The following SASH1 variants were observed in gnomAD, a reference collection of about 807,000 sequenced individuals.
The protein encoded by SASH1 is SAM and SH3 domain-containing protein 1.
SASH1 carries 44 observed loss-of-function variants against 125.2 expected under a neutral mutation model. The observed-to-expected ratio is 0.35, with a 90% CI of 0.28 to 0.45. The LOEUF (loss-of-function observed/expected upper bound fraction) is 0.45. Ranked by LOEUF, SASH1 falls within the 20% of genes least tolerant of loss-of-function variation. SASH1 has a pLI of 1.00. For synonymous variants in SASH1, 639 were observed against 649.1 expected, an observed-to-expected ratio of 0.98 and a Z score of 0.24; for missense variants, 1,426 against 1,614.5, an observed-to-expected ratio of 0.88 and a Z score of 2.00.
intron 8 of SASH1, among the ~76,000 whole-genome samples, chr6:148,489,643 A>G (rs1228490423): frequency 2.0e-5 from 3 of 152,136 alleles, no homozygotes; most frequent in African/African-American, 7.2e-5. Context: ...AATTTCTTTC[A>G]GCAGTGTTTT....
upstream of SASH1, among the ~76,000 whole-genome samples, chr6:148,338,614 T>C (rs990432927): frequency 6.6e-6 from 1 of 152,160 alleles, no homozygotes; most frequent in African/African-American, 2.4e-5. Flanking sequence ...AATTCTAATA[T>C]AAAACGTTCT....
the SASH1 span, among the ~76,000 whole-genome samples, chr6:148,245,457 A>T: frequency 6.6e-6 from 1 of 152,202 alleles, no homozygotes; most frequent in South Asian, 2.1e-4. Context: ...TCAATCTAAC[A>T]CAAGTGATTA....
At chr6:148,385,906 C>T (rs1783347365) in intron 1 of SASH1, among the ~76,000 whole-genome samples, 1 of 152,150 alleles carries the variant, frequency 6.6e-6, no homozygotes, top group Non-Finnish European at 1.5e-5. Flanking sequence ...AGTGTTTCCC[C>T]AAGTTTTCCG....
chr6:148,404,123 T>C (rs1212876189), intron 2 of SASH1, among the ~76,000 whole-genome samples: 1 of 152,192 alleles, frequency 6.6e-6, no homozygotes, highest in African/African-American at 2.4e-5. Flanking sequence ...CCTAGACTCA[T>C]AAAGTGAGGC....
intron 1 of SASH1, among the ~76,000 whole-genome samples, chr6:148,277,114 A>T (rs991907293): frequency 1.3e-5 from 2 of 152,164 alleles, no homozygotes; most frequent in Admixed American, 6.5e-5. Flanking sequence ...CATAACTAGG[A>T]TATATGGGAG....
chr6:148,326,349 T>TATATATATATATATATATATA (rs1554235314), intron 1 of SASH1, among the ~76,000 whole-genome samples: 1 of 86,586 alleles, frequency 1.2e-5, no homozygotes, highest in African/African-American at 4.5e-5. Flanking sequence ...TATATATATA[T>TATATATATATATATATATATA]ATATATATGC....
intron 1 of SASH1, among the ~76,000 whole-genome samples, chr6:148,324,572 T>TTTAA (rs1188898012): frequency 6.6e-5 from 10 of 152,234 alleles, no homozygotes; most frequent in Non-Finnish European, 1.2e-4. Flanking sequence ...TCCAGCCTTA[T>TTTAA]AGCCATTGCT....
chr6:148,499,671 C>T (rs1344015308), intron 8 of SASH1, among the ~76,000 whole-genome samples: 2 of 152,068 alleles, frequency 1.3e-5, no homozygotes, highest in East Asian at 3.9e-4. Context: ...AAGAGCTTTC[C>T]AGGAGAAGGA....
chr6:148,533,452 G>T lies in SASH1; in HGVS notation c.1735-319G>T, dbSNP rs1405345520. ...AGTGGGAGCCCTCTGAGGAGGGAAG[G>T]CGTTCAGAGTGCCGGGCGGGCAGCC... On this transcript the variant is annotated intron_variant, in intron 14 of 19. Transcript: ENST00000367467. The surrounding 1 kb of genome is among the most constrained non-coding windows in gnomAD (Gnocchi z 6.2). Among the ~76,000 whole-genome samples, 1 of 152,176 alleles carries T rather than the reference G, an allele frequency of 6.6e-6. No homozygotes were observed. The highest frequency in any genetic ancestry group is 2.4e-5 in the African/African-American group (1 of 41,438).
intron 4 of SASH1, among the ~76,000 whole-genome samples, chr6:148,465,390 A>G (rs1238085340): frequency 6.6e-6 from 1 of 152,040 alleles, no homozygotes; most frequent in African/African-American, 2.4e-5. Flanking sequence ...CGTGTCTACT[A>G]AAAATACAAA....
rs1199036858 is a variant in SASH1 at position 148,550,262 on chromosome 6, A to C, written c.*1704A>C. On this transcript the variant is annotated 3_prime_UTR_variant, in exon 20 of 20. Coordinates refer to ENST00000367467, the MANE Select transcript of SASH1 (RefSeq NM_015278.5). ...TTAAGCATCAAATGCAATCATCTAA[A>C]ATATAAAGGTCAATCATTTATAATA... 1 of 152,236 alleles carries C rather than the reference A, an allele frequency of 6.6e-6. No individual in the cohort carries two copies. The highest frequency in any genetic ancestry group is 1.5e-5 in the Non-Finnish European group (1 of 68,030). The allele number at this position is 152,236 out of a possible 1,614,324, so 9.4% of individuals were successfully genotyped here. A position where few individuals can be genotyped will look rare whatever the true frequency, so the allele number is the denominator to read the frequency against.
intron 1 of SASH1, among the ~76,000 whole-genome samples, chr6:148,357,501 G>T (rs1205390677): frequency 6.6e-6 from 1 of 152,134 alleles, no homozygotes; most frequent in Non-Finnish European, 1.5e-5. Context: ...CCACAGTCTG[G>T]GTTTTCCCAG....
At chr6:148,393,071 A>C (rs11758732) in intron 2 of SASH1, among the ~76,000 whole-genome samples, 5,387 of 109,636 alleles carry the variant, frequency 0.049, 151 homozygotes, top group Non-Finnish European at 0.069. Flanking sequence ...TTTGAGATGG[A>C]GTTTCCCTCC....
At chr6:148,446,143 C>T (rs1309584828) in intron 4 of SASH1, among the ~76,000 whole-genome samples, 1 of 88,804 alleles carries the variant, frequency 1.1e-5, no homozygotes, top group Non-Finnish European at 2.2e-5. Flanking sequence ...GAGCCTCACT[C>T]TGTCGCCCAG....
intron 4 of SASH1, among the ~76,000 whole-genome samples, chr6:148,464,816 C>T (rs1266346198): frequency 6.6e-6 from 1 of 152,012 alleles, no homozygotes; most frequent in Non-Finnish European, 1.5e-5. Flanking sequence ...GGGAGCCTCA[C>T]GCTTATGAAA....
the SASH1 span, among the ~76,000 whole-genome samples, chr6:148,233,634 C>A: frequency 6.6e-6 from 1 of 150,380 alleles, no homozygotes; most frequent in Non-Finnish European, 1.5e-5. Context: ...GGGGCTCACG[C>A]CTGTAATCGC....
chr6:148,204,157 G>C, the SASH1 span, among the ~76,000 whole-genome samples: 1 of 152,172 alleles, frequency 6.6e-6, no homozygotes, highest in African/African-American at 2.4e-5. Context: ...GCTCGGCAAG[G>C]CTCTGATGTA....
At chr6:148,427,610 C>T (rs372300319) in intron 2 of SASH1, among the ~76,000 whole-genome samples, 1 of 152,114 alleles carries the variant, frequency 6.6e-6, no homozygotes, top group Non-Finnish European at 1.5e-5. Flanking sequence ...TAGTTTTAAA[C>T]AAAGACAGTT....
At chr6:148,230,405 T>C in the SASH1 span, among the ~76,000 whole-genome samples, 1 of 152,148 alleles carries the variant, frequency 6.6e-6, no homozygotes, top group Non-Finnish European at 1.5e-5. Flanking sequence ...CTCCAACTCC[T>C]GGGCTCAGAT....
Sources: allele counts gnomAD v4.1 joint callset (sites outside exome capture counted in the v4.1 genomes callset), GRCh38; gene constraint gnomAD v4.1.1; non-coding constraint Gnocchi (gnomAD v3.1); transcripts MANE v1.5; gene names NCBI Gene and HGNC (gene_info 2026-07-23, HGNC 2026-07-21).